Variants in KCNIP1 observed in about 807,000 individuals in gnomAD.
KCNIP1 encodes the protein potassium voltage-gated channel interacting protein 1.
KCNIP1 carries 18 observed loss-of-function variants against 33.0 expected under a neutral mutation model. That is an observed-to-expected ratio of 0.55 (90% CI 0.38 to 0.81). The LOEUF (loss-of-function observed/expected upper bound fraction) is 0.81, where lower values mean the gene tolerates loss of function less well. Among genes scored for constraint, KCNIP1 ranks in the 30% least tolerant of loss-of-function variants. The pLI is 0.00. For missense variants in KCNIP1, 238 were observed against 271.6 expected (o/e 0.88, Z 0.87); for synonymous variants, 93 against 98.3 (o/e 0.95, Z 0.32).
chr5:170,598,945 G>T (rs1410036483), intron 1 of KCNIP1, among the ~76,000 whole-genome samples: 1 of 148,308 alleles, frequency 6.7e-6, no homozygotes, highest in African/African-American at 2.5e-5. Context: ...GTGTGTGTTT[G>T]GTGGGGTGGG....
intron 1 of KCNIP1, among the ~76,000 whole-genome samples, chr5:170,558,000 C>T (rs1326116304): frequency 6.6e-6 from 1 of 152,158 alleles, no homozygotes; most frequent in African/African-American, 2.4e-5. Context: ...CTGAGGCTGG[C>T]TGTGGTCTAC....
At chr5:170,634,677 G>T (rs1210604567) in intron 1 of KCNIP1, among the ~76,000 whole-genome samples, 1 of 152,228 alleles carries the variant, frequency 6.6e-6, no homozygotes, top group African/African-American at 2.4e-5. Context: ...TAAGAGGTTG[G>T]CAGATTAGGA....
chr5:170,539,349 T>C (rs1334755958), intron 1 of KCNIP1, among the ~76,000 whole-genome samples: 2 of 152,150 alleles, frequency 1.3e-5, no homozygotes, highest in Non-Finnish European at 2.9e-5. Flanking sequence ...ACCACAGACT[T>C]CAAGGCCGCA....
At chr5:170,558,419 G>A (rs1234972632) in intron 1 of KCNIP1, among the ~76,000 whole-genome samples, 1 of 152,206 alleles carries the variant, frequency 6.6e-6, no homozygotes, top group Admixed American at 6.5e-5. Context: ...TTTAAAGAAG[G>A]TTTAAACTGG....
chr5:170,628,664 T>C (rs910833151), intron 1 of KCNIP1, among the ~76,000 whole-genome samples: 1 of 152,174 alleles, frequency 6.6e-6, no homozygotes. Flanking sequence ...GGGTCTGGGC[T>C]CTGAAGGCAT....
At chr5:170,653,164 C>G (rs186319197) in intron 1 of KCNIP1, among the ~76,000 whole-genome samples, 4 of 152,294 alleles carry the variant, frequency 2.6e-5, no homozygotes, top group Non-Finnish European at 4.4e-5. Flanking sequence ...AGCTATGAAC[C>G]CCATTCCTTT....
intron 1 of KCNIP1, among the ~76,000 whole-genome samples, chr5:170,687,672 GT>G (rs1762585336): frequency 6.6e-6 from 1 of 152,218 alleles, no homozygotes; most frequent in African/African-American, 2.4e-5. Context: ...GCATTGCTAT[GT>G]TATACACTCT....
At chr5:170,444,303 C>T (rs1756058993) in intron 1 of KCNIP1, among the ~76,000 whole-genome samples, 1 of 152,144 alleles carries the variant, frequency 6.6e-6, no homozygotes, top group Non-Finnish European at 1.5e-5. Flanking sequence ...TTCTTTGGCT[C>T]ATGGCCTCTT....
chr5:170,442,124 C>T (rs1464818643), intron 1 of KCNIP1, among the ~76,000 whole-genome samples: 1 of 152,150 alleles, frequency 6.6e-6, no homozygotes, highest in Non-Finnish European at 1.5e-5. Flanking sequence ...CACCCACTGA[C>T]ATGTGCAGTA....
At chr5:170,622,288 G>A (rs918635267) in intron 1 of KCNIP1, among the ~76,000 whole-genome samples, 2 of 152,058 alleles carry the variant, frequency 1.3e-5, no homozygotes, top group Non-Finnish European at 2.9e-5. Flanking sequence ...TCTTGGATTT[G>A]GGGTCTATCC....
chr5:170,389,251 G>T (rs1226758921), intron 1 of KCNIP1: 1 of 152,222 alleles, frequency 6.6e-6, no homozygotes, highest in African/African-American at 2.4e-5. Flanking sequence ...TTCAGGCCCG[G>T]TACTCACAGT....
chr5:170,562,208 A>T (rs1757056127), intron 1 of KCNIP1, among the ~76,000 whole-genome samples: 1 of 152,240 alleles, frequency 6.6e-6, no homozygotes, highest in Admixed American at 6.5e-5. Context: ...GCTGAGACCC[A>T]AAGAATAAAT....
chr5:170,719,346 G>A (rs1357467260), intron 2 of KCNIP1, among the ~76,000 whole-genome samples: 5 of 152,064 alleles, frequency 3.3e-5, no homozygotes, highest in Admixed American at 6.6e-5. Context: ...GCTGGGACCC[G>A]CTCTCCTTGG....
At chr5:170,641,577 G>A (rs1277562683) in intron 1 of KCNIP1, among the ~76,000 whole-genome samples, 3 of 152,248 alleles carry the variant, frequency 2.0e-5, no homozygotes, top group Non-Finnish European at 2.9e-5. Context: ...CTCTGCTGGG[G>A]TGGACTTTCA....
At chr5:170,385,387 C>T (rs1400416018) in intron 1 of KCNIP1, 3 of 1,614,148 alleles carry the variant, frequency 1.9e-6, no homozygotes, top group East Asian at 2.2e-5. Flanking sequence ...ACCATGGTTA[C>T]ACCCAGGCAA....
intron 1 of KCNIP1, among the ~76,000 whole-genome samples, chr5:170,609,202 C>T (rs2113611280): frequency 6.6e-6 from 1 of 152,320 alleles, no homozygotes; most frequent in Non-Finnish European, 1.5e-5. Flanking sequence ...TTCCTCTCTT[C>T]CTTTCAGTCA....
At chr5:170,643,697 T>A (rs948052785) in intron 1 of KCNIP1, among the ~76,000 whole-genome samples, 1 of 152,212 alleles carries the variant, frequency 6.6e-6, no homozygotes, top group African/African-American at 2.4e-5. Flanking sequence ...GTCTCCAGTA[T>A]GTGGCCTCTG....
chr5:170,416,457 G>A (rs995888996), intron 1 of KCNIP1, among the ~76,000 whole-genome samples: 2 of 152,112 alleles, frequency 1.3e-5, no homozygotes, highest in Non-Finnish European at 2.9e-5. Context: ...GAAGAGACTC[G>A]TCATTCCTGG....
In KCNIP1 at chr5:170,703,196, C is replaced by T. The variant is rs1763157643; in HGVS notation, c.62-15562C>T. Reference sequence around the variant, plus strand: ...GAAGTTCTGTCATGTCTCTAGACCACCACCAAACACATAAAAGTCACTTAG... The same window carrying T: ...GAAGTTCTGTCATGTCTCTAGACCATCACCAAACACATAAAAGTCACTTAG... On this transcript the variant is annotated intron_variant, in intron 1 of 7. Transcript: ENST00000328939. Among the ~76,000 whole-genome samples the T allele has an allele frequency of 1.5e-5, 2 of 137,414 alleles. 1 individual carries two copies. Among genetic ancestry groups the T allele is most frequent in the South Asian group, 5.4e-4 (2 of 3,722 alleles). The allele number at this position is 137,414 out of a possible 152,430, so 90.1% of individuals were successfully genotyped here. A position where few individuals can be genotyped will look rare whatever the true frequency, so the allele number is the denominator to read the frequency against.
Sources: allele counts gnomAD v4.1 joint callset (sites outside exome capture counted in the v4.1 genomes callset), GRCh38; gene constraint gnomAD v4.1.1; transcripts MANE v1.5; gene names NCBI Gene and HGNC (gene_info 2026-07-23, HGNC 2026-07-21).